Variants in CNTN4 observed in about 807,000 individuals in gnomAD.
The protein encoded by CNTN4 is contactin 4, also known as contactin-4.
In CNTN4, 77 loss-of-function variants were observed where a neutral mutation model predicts 122.5. The ratio of observed to expected loss-of-function variants is 0.63; its 90% CI spans 0.52 to 0.76. The LOEUF is 0.76. Among genes scored for constraint, CNTN4 ranks in the 30% least tolerant of loss-of-function variants. The probability of loss-of-function intolerance (pLI) is 0.00; values close to 1 mark genes in which losing one functional copy is unlikely to be tolerated. For synonymous variants in CNTN4, 512 were observed against 447.0 expected, an observed-to-expected ratio of 1.15 and a Z score of -1.83; for missense variants, 1,256 against 1,259.1, an observed-to-expected ratio of 1.00 and a Z score of 0.04.
chr3:2,555,926 A>C (rs145885741), intron 3 of CNTN4, among the ~76,000 whole-genome samples: 1 of 152,242 alleles, frequency 6.6e-6, no homozygotes, highest in East Asian at 1.9e-4. Context: ...TTTCCCAGGG[A>C]ATCTGCCATG....
intron 6 of CNTN4, 29 bp downstream of exon 6, chr3:2,745,726 T>C (rs2089714901): frequency 6.2e-7 from 1 of 1,605,380 alleles, no homozygotes; most frequent in Non-Finnish European, 8.5e-7. Flanking sequence ...ATGCTGCAAA[T>C]GTTGCTTTCA....
At chr3:2,159,661 C>G (rs1057389837) in intron 2 of CNTN4, among the ~76,000 whole-genome samples, 1 of 152,022 alleles carries the variant, frequency 6.6e-6, no homozygotes, top group Admixed American at 6.6e-5. Flanking sequence ...AGCATCTTAC[C>G]GTGTGAGGTG....
intron 7 of CNTN4, among the ~76,000 whole-genome samples, chr3:2,834,878 T>C (rs969390865): frequency 2.1e-5 from 3 of 145,062 alleles, no homozygotes; most frequent in African/African-American, 5.2e-5. Context: ...TACAAAAGCA[T>C]TAAATTAGAT....
chr3:2,223,687 G>A (rs548525998), intron 2 of CNTN4, among the ~76,000 whole-genome samples: 6 of 152,242 alleles, frequency 3.9e-5, no homozygotes, highest in African/African-American at 9.6e-5. Flanking sequence ...TGATTAGAGT[G>A]GATCACCATG....
intron 10 of CNTN4, among the ~76,000 whole-genome samples, chr3:2,892,052 T>C (rs1199892883): frequency 1.3e-5 from 2 of 152,206 alleles, no homozygotes; most frequent in Admixed American, 1.3e-4. Context: ...TCTGTCTAGT[T>C]TATAGATATG....
At chr3:2,479,255 G>A (rs1435138902) in intron 3 of CNTN4, among the ~76,000 whole-genome samples, 2 of 152,122 alleles carry the variant, frequency 1.3e-5, no homozygotes, top group Non-Finnish European at 2.9e-5. Flanking sequence ...TTTGACCCAG[G>A]AAACAAGTTA....
At chr3:2,683,887 A>C (rs2085294582) in intron 4 of CNTN4, among the ~76,000 whole-genome samples, 1 of 152,126 alleles carries the variant, frequency 6.6e-6, no homozygotes, top group South Asian at 2.1e-4. Context: ...GCTCTACCTT[A>C]AACCTACCAA....
chr3:2,800,698 A>T (rs189743365), intron 6 of CNTN4, among the ~76,000 whole-genome samples: 1 of 152,336 alleles, frequency 6.6e-6, no homozygotes, highest in East Asian at 1.9e-4. Flanking sequence ...TAGGAACTAA[A>T]GATCTTATAG....
At chr3:2,397,346 A>G (rs371009645) in intron 3 of CNTN4, among the ~76,000 whole-genome samples, 7 of 152,318 alleles carry the variant, frequency 4.6e-5, no homozygotes, top group South Asian at 2.1e-4. Flanking sequence ...CTTAGCTTTA[A>G]TACTTGATGA....
intron 3 of CNTN4, among the ~76,000 whole-genome samples, chr3:2,377,860 C>T (rs1237854292): frequency 6.6e-6 from 1 of 151,962 alleles, no homozygotes; most frequent in Non-Finnish European, 1.5e-5. Context: ...CAGTGCGACC[C>T]AGGGAAGCCA....
intron 24 of CNTN4, 70 bp from the exon 25 acceptor site, chr3:3,056,050 G>T (rs541291827): frequency 1.2e-4 from 130 of 1,104,330 alleles, no homozygotes; most frequent in Non-Finnish European, 1.8e-4. Context: ...GTTTCAAAAA[G>T]CCCCGTGGCC....
chr3:2,909,199 C>A (rs1430657567), intron 12 of CNTN4, among the ~76,000 whole-genome samples: 10 of 152,084 alleles, frequency 6.6e-5, no homozygotes, highest in African/African-American at 2.4e-4. Context: ...CCTTTCTTAC[C>A]CAACTGCAGT....
chr3:2,633,473 G>A (rs1372484831), intron 4 of CNTN4, among the ~76,000 whole-genome samples: 1 of 152,182 alleles, frequency 6.6e-6, no homozygotes, highest in African/African-American at 2.4e-5. Context: ...CAGCATGGTG[G>A]ACTTTGGGTC....
At chr3:2,960,985 C>A (rs1296635159) in intron 13 of CNTN4, among the ~76,000 whole-genome samples, 1 of 150,428 alleles carries the variant, frequency 6.6e-6, no homozygotes, top group African/African-American at 2.5e-5. Context: ...AATCCCAGCA[C>A]TTTGGGAGGC....
intron 3 of CNTN4, among the ~76,000 whole-genome samples, chr3:2,441,364 C>T (rs898478062): frequency 6.6e-6 from 1 of 152,086 alleles, no homozygotes; most frequent in African/African-American, 2.4e-5. Context: ...AGCCTCCTGC[C>T]TGTATGATCT....
intron 14 of CNTN4, among the ~76,000 whole-genome samples, chr3:3,018,226 C>G (rs897324381): frequency 6.6e-6 from 1 of 152,136 alleles, no homozygotes; most frequent in Non-Finnish European, 1.5e-5. Flanking sequence ...AGTATTAATT[C>G]AGGTTTTCTC....
intron 3 of CNTN4, among the ~76,000 whole-genome samples, chr3:2,418,789 A>G (rs2047509860): frequency 6.6e-6 from 1 of 152,218 alleles, no homozygotes; most frequent in African/African-American, 2.4e-5. Context: ...AGTAATCAGT[A>G]ACATTTTAAA....
chr3:2,381,491 C>T (rs1575506941), intron 3 of CNTN4, among the ~76,000 whole-genome samples: 4 of 152,234 alleles, frequency 2.6e-5, no homozygotes, highest in South Asian at 2.1e-4. Flanking sequence ...GGGAACATAA[C>T]TTAAACTCTT....
chr3:3,054,005 C>T lies in CNTN4; in HGVS notation c.2980+30C>T, dbSNP rs775913695. 11 of 1,610,772 alleles carry T rather than the reference C, an allele frequency of 6.8e-6. No individual in the cohort carries two copies. In the East Asian group the frequency reaches 2.2e-4, roughly 33 times the overall value. ...GAATGCCTTTTTTTCTCCCTTTTCTCCTGCCTGTCTTATCTTATCAGCCTT... is the reference window on the plus strand; with the variant it reads ...GAATGCCTTTTTTTCTCCCTTTTCTTCTGCCTGTCTTATCTTATCAGCCTT... On this transcript the variant is annotated intron_variant, in intron 24 of 24. Transcript: ENST00000418658.
Sources: gnomAD v4.1 joint callset for allele counts (sites outside exome capture counted in the v4.1 genomes callset) on GRCh38, gnomAD v4.1.1 for gene constraint, MANE v1.5 for transcripts, NCBI Gene and HGNC (gene_info 2026-07-23, HGNC 2026-07-21) for gene names.